Variants in AMZ1 observed in about 807,000 individuals in gnomAD.
The protein encoded by AMZ1 is archaemetzincin-1.
A neutral mutation model predicts 29.9 loss-of-function variants in AMZ1; 39 were observed. The observed-to-expected ratio is 1.30, with a 90% CI of 1.01 to 1.70. The LOEUF (loss-of-function observed/expected upper bound fraction) is 1.70, where lower values mean the gene tolerates loss of function less well. Ranked by LOEUF, AMZ1 falls within the 40% of genes most tolerant of loss-of-function variation. The probability of loss-of-function intolerance (pLI) is 0.00; values close to 1 mark genes in which losing one functional copy is unlikely to be tolerated. For synonymous variants in AMZ1, 458 were observed against 304.0 expected (o/e 1.51, Z -5.27); for missense variants, 1,041 against 680.6 (o/e 1.53, Z -5.89).
intron 4 of AMZ1, among the ~76,000 whole-genome samples, chr7:2,726,242 C>T (rs1308584243): frequency 6.6e-6 from 1 of 152,210 alleles, no homozygotes; most frequent in Non-Finnish European, 1.5e-5. Flanking sequence ...CCCACCATCC[C>T]CGCAATTCTC....
In AMZ1 at chr7:2,714,040, C is replaced by T. The variant is rs1168880227; in HGVS notation, c.*1162C>T. ...CCTGCACTTTGAAGCTCCTTTACGTCCCTGCACATTTGATTGTTGTGTCTT... is the reference window on the plus strand; with the variant it reads ...CCTGCACTTTGAAGCTCCTTTACGTTCCTGCACATTTGATTGTTGTGTCTT... On this transcript the variant is annotated 3_prime_UTR_variant, in exon 7 of 7. Transcript: ENST00000683327. The T allele has an allele frequency of 6.6e-6, 1 of 152,156 alleles. No homozygotes were observed. The highest frequency in any genetic ancestry group is 6.5e-5 in the Admixed American group (1 of 15,268). 9.4% of individuals were successfully genotyped at this position (152,156 alleles called of 1,614,324 possible).
rs73047379 is a variant in AMZ1, at chr7:2,729,130, G to A, written n.550+19314G>A. Reference sequence around the variant, plus strand: ...CTACGCGAATCACAGCGCTGCTGTCGCCAACAGCGCCGCGAAGAGGCTCTC... The same window carrying A: ...CTACGCGAATCACAGCGCTGCTGTCACCAACAGCGCCGCGAAGAGGCTCTC... On this transcript the variant is annotated intron_variant and non_coding_transcript_variant, in intron 4 of 4. Coordinates refer to the AMZ1 transcript ENST00000489665. 3.8e-3 allele frequency: 579 copies of A among 152,514 alleles called. 4 individuals are homozygous for A. Among genetic ancestry groups the A allele is most frequent in the Non-Finnish European group, 5.9e-3 (403 of 68,054 alleles). 9.4% of individuals were successfully genotyped at this position (152,514 alleles called of 1,614,324 possible).
intron 3 of AMZ1, among the ~76,000 whole-genome samples, chr7:2,704,990 T>C (rs1162563436): frequency 6.6e-6 from 1 of 152,260 alleles, no homozygotes; most frequent in Non-Finnish European, 1.5e-5. Flanking sequence ...GTCTGTCCGA[T>C]GATTACACTA....
intron 1 of AMZ1, among the ~76,000 whole-genome samples, chr7:2,691,953 T>A (rs184782624): frequency 5.9e-5 from 9 of 152,124 alleles, no homozygotes; most frequent in African/African-American, 2.2e-4. Context: ...AACAAATAAT[T>A]CTGAGCTGGC....
intron 4 of AMZ1, among the ~76,000 whole-genome samples, chr7:2,738,934 G>C (rs553037985): frequency 6.6e-6 from 1 of 152,094 alleles, no homozygotes; most frequent in South Asian, 2.1e-4. Context: ...TAGCCTCGTG[G>C]CTGTGCCTGT....
chr7:2,710,263 C>T (rs1788686022), intron 6 of AMZ1, among the ~76,000 whole-genome samples: 1 of 152,250 alleles, frequency 6.6e-6, no homozygotes, highest in Non-Finnish European at 1.5e-5. Flanking sequence ...GGCCTCCATT[C>T]CTAACTCCCT....
At chr7:2,703,229 C>T (rs901185627) in intron 3 of AMZ1, among the ~76,000 whole-genome samples, 1 of 152,182 alleles carries the variant, frequency 6.6e-6, no homozygotes, top group African/African-American at 2.4e-5. Context: ...TCACTGCAAC[C>T]TCCCGGTTGA....
At chr7:2,729,887 G>A (rs1278854509) in intron 4 of AMZ1, 1 of 152,422 alleles carries the variant, frequency 6.6e-6, no homozygotes, top group Non-Finnish European at 1.5e-5. Flanking sequence ...CTGGACAAGT[G>A]AGCTGGGCCC....
intron 6 of AMZ1, among the ~76,000 whole-genome samples, chr7:2,711,869 C>A (rs548993513): frequency 2.0e-5 from 3 of 152,012 alleles, no homozygotes; most frequent in Non-Finnish European, 2.9e-5. Flanking sequence ...CATGGTGAAA[C>A]CCCGTCTCCA....
At chr7:2,696,450 G>A (rs1420927165) in intron 1 of AMZ1, among the ~76,000 whole-genome samples, 3 of 150,386 alleles carry the variant, frequency 2.0e-5, no homozygotes, top group South Asian at 4.2e-4. Context: ...GTAGAGACGG[G>A]GTTTCACCAT....
chr7:2,721,132 G>A (rs1789403137), downstream of AMZ1, among the ~76,000 whole-genome samples: 1 of 152,234 alleles, frequency 6.6e-6, no homozygotes, highest in Middle Eastern at 3.2e-3. Context: ...GGGTGGCGCG[G>A]GAGGTTCCTG....
upstream of AMZ1, among the ~76,000 whole-genome samples, chr7:2,687,189 C>T (rs980726121): frequency 1.3e-5 from 2 of 152,002 alleles, no homozygotes; most frequent in South Asian, 4.1e-4. Flanking sequence ...TAGCTGGACA[C>T]AATGATGGGT....
At chr7:2,687,481 G>A (rs1451949770), upstream of AMZ1, among the ~76,000 whole-genome samples, 1 of 152,238 alleles carries the variant, frequency 6.6e-6, no homozygotes, top group African/African-American at 2.4e-5. Flanking sequence ...GGGAGGGTTT[G>A]CAGAGAGGAA....
At chr7:2,704,188 C>T (rs1788217871) in intron 3 of AMZ1, among the ~76,000 whole-genome samples, 1 of 152,130 alleles carries the variant, frequency 6.6e-6, no homozygotes, top group Admixed American at 6.5e-5. Context: ...TGTGCCTGGC[C>T]TCATCTAAGG....
At chr7:2,705,478 C>CT (rs1788298730) in intron 3 of AMZ1, among the ~76,000 whole-genome samples, 1 of 152,180 alleles carries the variant, frequency 6.6e-6, no homozygotes, top group Non-Finnish European at 1.5e-5. Context: ...TCACCATAAT[C>CT]ATATAGAGGG....
chr7:2,682,037 C>T (rs1031107496), intron 1 of AMZ1, among the ~76,000 whole-genome samples: 19 of 152,200 alleles, frequency 1.2e-4, no homozygotes, highest in African/African-American at 4.6e-4. Flanking sequence ...ACTGAGCGCG[C>T]CCCCAGCTCC....
At chr7:2,720,977 C>A (rs1020579741), downstream of AMZ1, among the ~76,000 whole-genome samples, 3 of 152,232 alleles carry the variant, frequency 2.0e-5, no homozygotes, top group Non-Finnish European at 2.9e-5. Flanking sequence ...CCACGCCCAG[C>A]CCGTTATTTC....
chr7:2,762,992 T>C (rs1791639909), upstream of AMZ1: 1 of 1,299,734 alleles, frequency 7.7e-7, no homozygotes, highest in Admixed American at 4.0e-5. Context: ...CCTTGTGTGC[T>C]ACTGTGGTCG....
At chr7:2,711,613 G>A (rs534463014) in intron 6 of AMZ1, among the ~76,000 whole-genome samples, 4 of 152,314 alleles carry the variant, frequency 2.6e-5, no homozygotes, top group East Asian at 3.9e-4. Context: ...CCCCCTGGTG[G>A]TCTCACTATG....
Sources: gnomAD v4.1 joint callset for allele counts (sites outside exome capture counted in the v4.1 genomes callset) on GRCh38, gnomAD v4.1.1 for gene constraint, MANE v1.5 for transcripts, NCBI Gene and HGNC (gene_info 2026-07-23, HGNC 2026-07-21) for gene names.